RGS6: variants seen among roughly 807,000 people sequenced by gnomAD.
RGS6 encodes the protein regulator of G protein signaling 6.
In RGS6, 30 loss-of-function variants were observed where a neutral mutation model predicts 78.5. The ratio of observed to expected loss-of-function variants is 0.38; its 90% CI spans 0.29 to 0.52. The LOEUF is 0.52. Ranked by LOEUF, RGS6 falls within the 20% of genes least tolerant of loss-of-function variation. RGS6 has a pLI of 0.85. For missense variants in RGS6, 495 were observed against 609.7 expected (o/e 0.81, Z 1.98); for synonymous variants, 206 against 206.0 (o/e 1.00, Z 0.00).
chr14:72,030,980 ATT>A (rs10581212), intron 2 of RGS6, among the ~76,000 whole-genome samples: 6,484 of 141,598 alleles, frequency 0.046, 165 homozygotes, highest in African/African-American at 0.08. Flanking sequence ...TTTAGCAACA[ATT>A]TTTTTTTTTT....
At chr14:71,968,202 A>G (rs971420791) in intron 2 of RGS6, among the ~76,000 whole-genome samples, 1 of 152,120 alleles carries the variant, frequency 6.6e-6, no homozygotes, top group African/African-American at 2.4e-5. Flanking sequence ...GAACCTAGCT[A>G]TACATCACAT....
chr14:72,273,436 A>G lies in RGS6; in HGVS notation c.85-78659A>G, dbSNP rs184820823. On this transcript the variant is annotated intron_variant, in intron 2 of 17. Transcript: ENST00000553525. ...TGGAAAGTTTCCAGCTAGGCATTAA[A>G]TTGGGTCAACAGCTAACACAGCATA... is the stretch of plus-strand genomic sequence containing the variant. Among the ~76,000 whole-genome samples the G allele has an allele frequency of 1.4e-3, 212 of 151,304 alleles. 2 individuals carry two copies. Among genetic ancestry groups the G allele is most frequent in the African/African-American group, 4.9e-3 (203 of 41,328 alleles).
intron 2 of RGS6, among the ~76,000 whole-genome samples, chr14:72,330,476 G>C (rs979083938): frequency 2.0e-5 from 3 of 152,172 alleles, no homozygotes; most frequent in Admixed American, 6.5e-5. Context: ...AAAAATTGGA[G>C]ACTCAAGGAG....
At chr14:72,549,181 G>A (rs1278877481) in intron 17 of RGS6, among the ~76,000 whole-genome samples, 1 of 152,200 alleles carries the variant, frequency 6.6e-6, no homozygotes, top group South Asian at 2.1e-4. Flanking sequence ...TCAAAGCAAG[G>A]GAAACCGTCA....
intron 2 of RGS6, among the ~76,000 whole-genome samples, chr14:72,148,018 C>G (rs2096630644): frequency 6.6e-6 from 1 of 151,086 alleles, no homozygotes; most frequent in South Asian, 2.1e-4. Context: ...GTAGTCCCAG[C>G]TATTCAGGAG....
intron 2 of RGS6, among the ~76,000 whole-genome samples, chr14:72,120,110 A>T (rs1375010400): frequency 6.6e-6 from 1 of 152,220 alleles, no homozygotes; most frequent in Non-Finnish European, 1.5e-5. Context: ...GCAATGCAAG[A>T]TCCATTAGAG....
At chr14:72,588,810 C>A in the RGS6 span, among the ~76,000 whole-genome samples, 2 of 152,206 alleles carry the variant, frequency 1.3e-5, no homozygotes, top group African/African-American at 4.8e-5. Context: ...GAAATGGGAA[C>A]TTCCACAAAC....
At chr14:72,327,524 C>T (rs2074068619) in intron 2 of RGS6, among the ~76,000 whole-genome samples, 1 of 152,168 alleles carries the variant, frequency 6.6e-6, no homozygotes, top group Non-Finnish European at 1.5e-5. Context: ...CATCTGGCTT[C>T]CTTAAGGCAT....
At chr14:71,949,965 T>C (rs889136340) in intron 1 of RGS6, among the ~76,000 whole-genome samples, 1 of 152,206 alleles carries the variant, frequency 6.6e-6, no homozygotes, top group African/African-American at 2.4e-5. Flanking sequence ...ATGTCACCTT[T>C]GTTATCAGTC....
At position 72,001,776 on chromosome 14, in the gene RGS6, G is replaced by A. The variant is rs181977674; in HGVS notation, c.84+36901G>A. 2.6e-5 allele frequency among the ~76,000 whole-genome samples: 4 copies of A among 151,808 alleles called. No homozygotes were observed. In the East Asian group the frequency reaches 7.8e-4, roughly 30 times the overall value. ...TCATCTATATTTAAACAGTTGTTTT[G>A]CACCTAAAGGGCCCTAAGTTACGTT... On this transcript the variant is annotated intron_variant, in intron 2 of 17. Coordinates refer to ENST00000553525, the MANE Select transcript of RGS6 (RefSeq NM_001204424.2).
chr14:72,158,829 G>T (rs574868461), intron 2 of RGS6, among the ~76,000 whole-genome samples: 1 of 149,564 alleles, frequency 6.7e-6, no homozygotes, highest in Non-Finnish European at 1.5e-5. Flanking sequence ...TAGAATATCC[G>T]GTATAACATT....
intron 3 of RGS6, among the ~76,000 whole-genome samples, chr14:72,365,622 G>A (rs886097889): frequency 3.3e-5 from 5 of 152,220 alleles, no homozygotes; most frequent in African/African-American, 1.2e-4. Flanking sequence ...GAAAGCACCT[G>A]TTTCGATCTT....
At chr14:71,962,227 A>G (rs2153041471) in intron 1 of RGS6, among the ~76,000 whole-genome samples, 1 of 152,336 alleles carries the variant, frequency 6.6e-6, no homozygotes, top group South Asian at 2.1e-4. Context: ...TTTCCAGTCT[A>G]GACTCTGGAA....
chr14:72,071,772 A>G (rs77763129), intron 2 of RGS6, among the ~76,000 whole-genome samples: 1 of 152,208 alleles, frequency 6.6e-6, no homozygotes, highest in Non-Finnish European at 1.5e-5. Flanking sequence ...CATTCTTCAT[A>G]TTGCTACATT....
intron 3 of RGS6, among the ~76,000 whole-genome samples, chr14:72,426,498 A>C (rs1387802548): frequency 6.6e-6 from 1 of 152,250 alleles, no homozygotes; most frequent in Non-Finnish European, 1.5e-5. Flanking sequence ...TGTGTCAAGT[A>C]GGAAAGATAC....
At chr14:72,484,604 A>G (rs11846338) in intron 12 of RGS6, among the ~76,000 whole-genome samples, 5 of 152,142 alleles carry the variant, frequency 3.3e-5, no homozygotes, top group African/African-American at 1.2e-4. Context: ...GAGAGAAAGG[A>G]TAAAATCTAC....
At chr14:72,217,150 T>C (rs73299176) in intron 2 of RGS6, among the ~76,000 whole-genome samples, 4,273 of 151,900 alleles carry the variant, frequency 0.028, 89 homozygotes, top group Middle Eastern at 0.13. Context: ...AAGAGTTAAA[T>C]GAGAGAAAAC....
chr14:72,082,986 T>A (rs2094885814), intron 2 of RGS6, among the ~76,000 whole-genome samples: 1 of 152,130 alleles, frequency 6.6e-6, no homozygotes, highest in Non-Finnish European at 1.5e-5. Context: ...AATCACATGG[T>A]GGGTATAGAA....
At chr14:72,178,324 C>A (rs1023053543) in intron 2 of RGS6, among the ~76,000 whole-genome samples, 3 of 152,230 alleles carry the variant, frequency 2.0e-5, no homozygotes, top group African/African-American at 7.2e-5. Context: ...TTCCTCCAAC[C>A]AAAGAACCCA....
Sources: gnomAD v4.1 joint callset for allele counts (sites outside exome capture counted in the v4.1 genomes callset) on GRCh38, gnomAD v4.1.1 for gene constraint, MANE v1.5 for transcripts, NCBI Gene and HGNC (gene_info 2026-07-23, HGNC 2026-07-21) for gene names.